Variants in WDPCP observed in about 807,000 individuals in gnomAD.
WDPCP encodes WD repeat containing planar cell polarity effector, also known as WD repeat-containing and planar cell polarity effector protein fritz homolog.
Under a neutral mutation model 93.1 loss-of-function variants are expected in WDPCP, and 71 were observed. The observed-to-expected ratio is 0.76, with a 90% CI of 0.63 to 0.93. The LOEUF (loss-of-function observed/expected upper bound fraction) is 0.93. Ranked by LOEUF, WDPCP falls within the 40% of genes least tolerant of loss-of-function variation. The probability of loss-of-function intolerance (pLI) is 0.00; values close to 1 mark genes in which losing one functional copy is unlikely to be tolerated. For missense variants in WDPCP, 844 were observed against 887.4 expected (o/e 0.95, Z 0.62); for synonymous variants, 315 against 315.0 (o/e 1.00, Z 0.00).
At chr2:63,827,811 G>A (rs910170827) in exon 1 of WDPCP, 1 of 152,178 alleles carries the variant, frequency 6.6e-6, no homozygotes, top group African/African-American at 2.4e-5. Flanking sequence ...GGAATCTCTA[G>A]GTCAATAGCT....
At chr2:63,222,510 G>A (rs980561018) in intron 14 of WDPCP, among the ~76,000 whole-genome samples, 1 of 152,198 alleles carries the variant, frequency 6.6e-6, no homozygotes, top group African/African-American at 2.4e-5. Context: ...TGGTGACAAC[G>A]TAACTCCTCT....
intron 6 of WDPCP, chr2:63,441,285 T>C (rs1697485762): frequency 6.6e-6 from 1 of 152,082 alleles, no homozygotes; most frequent in South Asian, 2.1e-4. Context: ...CAAATGGTGA[T>C]ATTTCCCTTT....
chr2:63,138,425 C>T (rs1670797013), intron 17 of WDPCP, among the ~76,000 whole-genome samples: 1 of 150,602 alleles, frequency 6.6e-6, no homozygotes, highest in South Asian at 2.1e-4. Context: ...TTATTGGGTA[C>T]AGGTGGTATT....
At chr2:63,373,997 A>G (rs1047114694) in intron 12 of WDPCP, among the ~76,000 whole-genome samples, 3 of 150,510 alleles carry the variant, frequency 2.0e-5, no homozygotes, top group African/African-American at 7.3e-5. Flanking sequence ...TGAATTAGAC[A>G]TTAGTGTATA....
intron 12 of WDPCP, among the ~76,000 whole-genome samples, chr2:63,343,007 G>T (rs1688952257): frequency 6.7e-6 from 1 of 149,362 alleles, no homozygotes; most frequent in Non-Finnish European, 1.5e-5. Flanking sequence ...ATTCTTTGTT[G>T]TTGGTTTTTT....
intron 6 of WDPCP, among the ~76,000 whole-genome samples, chr2:63,449,683 C>T (rs972933000): frequency 1.3e-5 from 2 of 152,130 alleles, no homozygotes; most frequent in African/African-American, 4.8e-5. Context: ...TTTGGAGACC[C>T]TGAGAGGGCA....
At chr2:63,152,864 T>C (rs1235850072) in intron 17 of WDPCP, 50 bp downstream of exon 17, 1 of 1,558,532 alleles carries the variant, frequency 6.4e-7, no homozygotes, top group Non-Finnish European at 8.8e-7. Flanking sequence ...TACATTATGC[T>C]TTTCTCTTAG....
chr2:63,277,437 T>C (rs1683173903), intron 13 of WDPCP, among the ~76,000 whole-genome samples: 1 of 152,156 alleles, frequency 6.6e-6, no homozygotes, highest in Admixed American at 6.5e-5. Context: ...GCCTAAATGC[T>C]TCACTTAAAA....
intron 1 of WDPCP, among the ~76,000 whole-genome samples, chr2:63,533,972 A>G (rs981144203): frequency 1.3e-5 from 2 of 151,720 alleles, no homozygotes; most frequent in African/African-American, 2.4e-5. Context: ...TAGCAAGACT[A>G]AAAAAGAAGA....
Position 63,404,325 on chromosome 2 carries a change from G to A in WDPCP, c.1158C>T (p.His386=). 1 of 1,614,124 alleles carries A rather than the reference G, an allele frequency of 6.2e-7. No homozygotes were observed. Among genetic ancestry groups the A allele is most frequent in the East Asian group, 2.2e-5 (1 of 44,878 alleles). Residue 386 remains histidine (H), a synonymous_variant, in exon 10 of 18, where the codon CAC becomes CAT. Transcript: ENST00000272321. ...CAACTAGCAGAATGGCACCACTTGG[G>A]TGGCAGCTTATTAATGAAGGCAAAA... is the stretch of plus-strand genomic sequence containing the variant. ...TELLPSLISC[H]PSGAILLVGS... is the part of the protein sequence containing the mutation.
intron 1 of WDPCP, among the ~76,000 whole-genome samples, chr2:63,550,619 T>C (rs1014278988): frequency 6.0e-5 from 9 of 150,890 alleles, no homozygotes; most frequent in Non-Finnish European, 8.9e-5. Flanking sequence ...TATCCTTGGG[T>C]GATCATATCT....
chr2:63,565,881 G>T (rs896413066), intron 1 of WDPCP, among the ~76,000 whole-genome samples: 3 of 152,060 alleles, frequency 2.0e-5, no homozygotes, highest in African/African-American at 7.2e-5. Flanking sequence ...TACATATATA[G>T]CCATCGCCCA....
chr2:63,628,080 C>T (rs1265635242), intron 3 of WDPCP, among the ~76,000 whole-genome samples: 2 of 152,212 alleles, frequency 1.3e-5, no homozygotes, highest in East Asian at 1.9e-4. Flanking sequence ...CACCTGCGTG[C>T]TCCTGGTCCT....
At chr2:63,216,476 A>T (rs1437682017) in intron 14 of WDPCP, among the ~76,000 whole-genome samples, 1 of 152,118 alleles carries the variant, frequency 6.6e-6, no homozygotes, top group Non-Finnish European at 1.5e-5. Flanking sequence ...CAAACACCGC[A>T]TGTGTTCTCA....
At chr2:63,684,472 C>T in intron 2 of WDPCP, 1 of 778,920 alleles carries the variant, frequency 1.3e-6, no homozygotes, top group South Asian at 1.3e-5. Flanking sequence ...TGATAGCTGT[C>T]ATGGGCAAGA....
intron 12 of WDPCP, among the ~76,000 whole-genome samples, chr2:63,343,838 C>T (rs114897825): frequency 0.015 from 2,278 of 152,202 alleles, 62 homozygotes; most frequent in African/African-American, 0.052. Context: ...CTTATATTTT[C>T]CAGCTCCAAC....
intron 6 of WDPCP, among the ~76,000 whole-genome samples, chr2:63,458,478 C>A (rs1698790534): frequency 6.6e-6 from 1 of 151,972 alleles, no homozygotes; most frequent in African/African-American, 2.4e-5. Context: ...ATCAAGAAGA[C>A]AATCTCATTT....
intron 13 of WDPCP, among the ~76,000 whole-genome samples, chr2:63,286,362 C>T (rs1044341871): frequency 1.5e-4 from 23 of 151,618 alleles, no homozygotes; most frequent in Admixed American, 4.6e-4. Context: ...CCACCCTAAC[C>T]GATCAATGTA....
intron 2 of WDPCP, among the ~76,000 whole-genome samples, chr2:63,695,609 G>C (rs1668951489): frequency 6.6e-6 from 1 of 152,064 alleles, no homozygotes; most frequent in African/African-American, 2.4e-5. Flanking sequence ...GGATCTCCTT[G>C]GGCTCTTTTG....
Sources: allele counts gnomAD v4.1 joint callset (sites outside exome capture counted in the v4.1 genomes callset), GRCh38; gene constraint gnomAD v4.1.1; transcripts MANE v1.5; gene names NCBI Gene and HGNC (gene_info 2026-07-23, HGNC 2026-07-21).